Variants in NRXN1 observed in about 807,000 individuals in gnomAD.
NRXN1 encodes neurexin 1.
NRXN1 carries 39 observed loss-of-function variants against 150.9 expected under a neutral mutation model. The ratio of observed to expected loss-of-function variants is 0.26; its 90% confidence interval spans 0.20 to 0.34. The LOEUF (loss-of-function observed/expected upper bound fraction) is 0.34, where lower values mean the gene tolerates loss of function less well. Among genes scored for constraint, NRXN1 ranks in the 10% least tolerant of loss-of-function variants. The probability of loss-of-function intolerance (pLI) is 1.00; values close to 1 mark genes in which losing one functional copy is unlikely to be tolerated. For missense variants in NRXN1, 1,815 were observed against 1,949.9 expected (o/e 0.93, Z 1.30); for synonymous variants, 924 against 757.0 (o/e 1.22, Z -3.62).
At chr2:50,281,516 C>A (rs2071464131) in intron 17 of NRXN1, among the ~76,000 whole-genome samples, 1 of 151,746 alleles carries the variant, frequency 6.6e-6, no homozygotes, top group Admixed American at 6.6e-5. Context: ...ATTGTTGAGG[C>A]TCAAATGAGA....
intron 17 of NRXN1, among the ~76,000 whole-genome samples, chr2:50,391,471 T>C (rs903323282): frequency 1.3e-5 from 2 of 152,096 alleles, no homozygotes. Context: ...TGTTTCAAAT[T>C]TACATTACAT....
intron 8 of NRXN1, among the ~76,000 whole-genome samples, chr2:50,599,827 T>C (rs185770062): frequency 2.2e-4 from 34 of 152,310 alleles, no homozygotes; most frequent in Middle Eastern, 6.8e-3. Context: ...AGAAATTTAA[T>C]GCATTTTTAC....
intron 8 of NRXN1, among the ~76,000 whole-genome samples, chr2:50,553,751 G>A (rs2105349909): frequency 6.6e-6 from 1 of 152,286 alleles, no homozygotes; most frequent in East Asian, 1.9e-4. Flanking sequence ...CACAAATGCT[G>A]CGCAAGGGTT....
At chr2:50,447,771 AT>A (rs2086585274) in intron 17 of NRXN1, among the ~76,000 whole-genome samples, 1 of 103,240 alleles carries the variant, frequency 9.7e-6, no homozygotes, top group Non-Finnish European at 1.9e-5. Flanking sequence ...ATATATATAT[AT>A]ATATATACCT....
chr2:50,740,523 T>G (rs1459045871), intron 5 of NRXN1, among the ~76,000 whole-genome samples: 1 of 152,166 alleles, frequency 6.6e-6, no homozygotes, highest in Non-Finnish European at 1.5e-5. Context: ...CTTTGGATTT[T>G]TTGTTGTGTG....
intron 21 of NRXN1, among the ~76,000 whole-genome samples, chr2:49,995,565 A>G (rs1573295756): frequency 6.6e-6 from 1 of 151,598 alleles, no homozygotes; most frequent in South Asian, 2.1e-4. Context: ...GCGGATCACG[A>G]GGTCAGGAGA....
chr2:50,006,747 T>C (rs1187915020), intron 21 of NRXN1, among the ~76,000 whole-genome samples: 1 of 152,174 alleles, frequency 6.6e-6, no homozygotes, highest in Non-Finnish European at 1.5e-5. Flanking sequence ...AATGTATTAC[T>C]CCACTTTACT....
intron 1 of NRXN1, among the ~76,000 whole-genome samples, chr2:51,030,535 AACACACACACACACACACACACAC>A (rs57434663): frequency 1.7e-4 from 24 of 145,350 alleles, no homozygotes; most frequent in Middle Eastern, 3.5e-3. Context: ...TCTCTCTTTC[AACACACACACACACACACACACAC>A]ACACACACAC....
chr2:50,945,174 A>G (rs1188333023), intron 2 of NRXN1, among the ~76,000 whole-genome samples: 1 of 152,200 alleles, frequency 6.6e-6, no homozygotes, highest in Non-Finnish European at 1.5e-5. Context: ...GTTACAAATA[A>G]TACATAAACA....
chr2:50,657,747 T>C (rs1432023963), intron 5 of NRXN1, among the ~76,000 whole-genome samples: 1 of 152,050 alleles, frequency 6.6e-6, no homozygotes, highest in Admixed American at 6.6e-5. Flanking sequence ...TCAATTCTTT[T>C]ATGCTTGAAA....
intron 18 of NRXN1, among the ~76,000 whole-genome samples, chr2:50,188,326 AAAACT>A (rs1415290041): frequency 3.9e-5 from 6 of 152,202 alleles, no homozygotes; most frequent in African/African-American, 1.4e-4. Context: ...CCATATGCAG[AAAACT>A]GAAACTGGAT....
intron 12 of NRXN1, among the ~76,000 whole-genome samples, chr2:50,518,216 G>T (rs1255801282): frequency 6.6e-6 from 1 of 151,992 alleles, no homozygotes; most frequent in African/African-American, 2.4e-5. Flanking sequence ...TAGAAAAAAT[G>T]TTCTAAAACT....
At chr2:50,100,439 T>G (rs961984963) in intron 18 of NRXN1, among the ~76,000 whole-genome samples, 1 of 152,116 alleles carries the variant, frequency 6.6e-6, no homozygotes, top group Non-Finnish European at 1.5e-5. Context: ...AATGTCAAGA[T>G]GAATTTAGTC....
At chr2:50,137,759 TG>T (rs1319020377) in intron 18 of NRXN1, among the ~76,000 whole-genome samples, 3 of 152,192 alleles carry the variant, frequency 2.0e-5, no homozygotes, top group Admixed American at 6.5e-5. Flanking sequence ...GTAAAAGATA[TG>T]GTAGGATGTT....
At chr2:50,498,121 C>T (rs2091747801) in intron 13 of NRXN1, among the ~76,000 whole-genome samples, 1 of 152,064 alleles carries the variant, frequency 6.6e-6, no homozygotes, top group Non-Finnish European at 1.5e-5. Flanking sequence ...GAAAGTGATA[C>T]ATCTCAGCCT....
chr2:51,015,941 C>CT (rs1668603183), intron 2 of NRXN1, among the ~76,000 whole-genome samples: 1 of 151,946 alleles, frequency 6.6e-6, no homozygotes, highest in Admixed American at 6.6e-5. Context: ...AAGAACAAAG[C>CT]TGGAGGCATC....
intron 5 of NRXN1, among the ~76,000 whole-genome samples, chr2:50,837,288 AAAATAC>A (rs1672252502): frequency 6.6e-6 from 1 of 152,148 alleles, no homozygotes; most frequent in Non-Finnish European, 1.5e-5. Context: ...TTACCCCTTT[AAAATAC>A]AAGTGATATC....
chr2:50,835,207 T>C (rs1200796773), intron 5 of NRXN1, among the ~76,000 whole-genome samples: 2 of 152,114 alleles, frequency 1.3e-5, no homozygotes, highest in African/African-American at 4.8e-5. Flanking sequence ...AGAAGTCACC[T>C]TTCAGATTGT....
At chr2:50,869,309 T>C (rs1205987788) in intron 5 of NRXN1, among the ~76,000 whole-genome samples, 2 of 151,694 alleles carry the variant, frequency 1.3e-5, no homozygotes, top group African/African-American at 2.4e-5. Context: ...AATAAAATAA[T>C]GAGAAATTAA....
Sources: allele counts gnomAD v4.1 joint callset (sites outside exome capture counted in the v4.1 genomes callset), GRCh38; gene constraint gnomAD v4.1.1; transcripts MANE v1.5; gene names NCBI Gene and HGNC (gene_info 2026-07-23, HGNC 2026-07-21).